FBXW11: variants seen among roughly 807,000 people sequenced by gnomAD.
The protein encoded by FBXW11 is F-box/WD repeat-containing protein 11.
Under a neutral mutation model 77.6 loss-of-function variants are expected in FBXW11, and 19 were observed. The ratio of observed to expected loss-of-function variants is 0.24; its 90% confidence interval spans 0.17 to 0.36. FBXW11 has a LOEUF of 0.36. Ranked by LOEUF, FBXW11 falls within the 10% of genes least tolerant of loss-of-function variation. The pLI, the probability that FBXW11 is intolerant of heterozygous loss-of-function variation, is 1.00. For synonymous variants in FBXW11, 235 were observed against 249.4 expected (o/e 0.94, Z 0.54); for missense variants, 334 against 704.2 (o/e 0.47, Z 5.95).
At chr5:171,997,748 T>G (rs902179746) in intron 1 of FBXW11, among the ~76,000 whole-genome samples, 2 of 152,212 alleles carry the variant, frequency 1.3e-5, no homozygotes, top group African/African-American at 4.8e-5. Flanking sequence ...TATATCAATA[T>G]TCTTTTTCTA....
At chr5:171,870,461 A>G (rs1757690325) in intron 11 of FBXW11, among the ~76,000 whole-genome samples, 1 of 152,194 alleles carries the variant, frequency 6.6e-6, no homozygotes, top group African/African-American at 2.4e-5. Context: ...CAATACCCCC[A>G]CATCAACTAT....
chr5:171,900,297 A>C (rs1057261340), intron 4 of FBXW11, among the ~76,000 whole-genome samples, 197 bp from the exon 5 acceptor site: 3 of 152,192 alleles, frequency 2.0e-5, no homozygotes, highest in African/African-American at 2.4e-5. Context: ...TTTTACGATA[A>C]AACAATTGAT....
chr5:171,874,358 A>G (rs1050435496), intron 9 of FBXW11, among the ~76,000 whole-genome samples: 1 of 152,226 alleles, frequency 6.6e-6, no homozygotes, highest in Non-Finnish European at 1.5e-5. Context: ...GAGACAAATA[A>G]TAGGAAGTGT....
chr5:171,951,814 C>T (rs993944693), intron 2 of FBXW11, among the ~76,000 whole-genome samples: 1 of 152,004 alleles, frequency 6.6e-6, no homozygotes, highest in Non-Finnish European at 1.5e-5. Flanking sequence ...TTTTTTAATG[C>T]TAGCATGAAA....
At chr5:171,899,145 A>AT in intron 5 of FBXW11, 51 bp from the exon 6 acceptor site, 1 of 1,184,112 alleles carries the variant, frequency 8.4e-7, no homozygotes. Context: ...AAAAGGGTGA[A>AT]TTTTATCTAA....
At chr5:171,926,531 G>A (rs1761901066) in intron 2 of FBXW11, among the ~76,000 whole-genome samples, 1 of 152,172 alleles carries the variant, frequency 6.6e-6, no homozygotes, top group Admixed American at 6.5e-5. Flanking sequence ...ATGAGTGAGT[G>A]AGTTCTCACG....
chr5:171,987,438 T>G (rs1488907308), intron 1 of FBXW11, among the ~76,000 whole-genome samples: 1 of 151,932 alleles, frequency 6.6e-6, no homozygotes, highest in African/African-American at 2.4e-5. Flanking sequence ...GGGTAAGTTT[T>G]TTTGGGTTTT....
chr5:171,892,066 T>G (rs1002929845), intron 6 of FBXW11, among the ~76,000 whole-genome samples: 2 of 152,216 alleles, frequency 1.3e-5, no homozygotes, highest in African/African-American at 4.8e-5. Context: ...ATAGGAAGAA[T>G]TTTATCATTT....
intron 2 of FBXW11, among the ~76,000 whole-genome samples, chr5:171,924,748 G>A (rs1761793704): frequency 2.6e-5 from 4 of 151,978 alleles, no homozygotes; most frequent in Admixed American, 2.0e-4. Flanking sequence ...TAACATAAGT[G>A]GGCTGAAACA....
intron 1 of FBXW11, among the ~76,000 whole-genome samples, chr5:171,977,349 AGAGG>A (rs1388847795): frequency 3.9e-5 from 6 of 151,988 alleles, no homozygotes; most frequent in Non-Finnish European, 8.8e-5. Context: ...GAAAAAAGAA[AGAGG>A]AAGAGAAAGA....
intron 12 of FBXW11, among the ~76,000 whole-genome samples, 158 bp from the exon 13 acceptor site, chr5:171,868,954 A>T (rs1364825541): frequency 1.3e-5 from 2 of 152,210 alleles, no homozygotes; most frequent in Non-Finnish European, 2.9e-5. Flanking sequence ...CCCAAGAACA[A>T]ATGTTCTTCT....
chr5:171,957,873 G>C (rs997343209), intron 1 of FBXW11, among the ~76,000 whole-genome samples, 175 bp from the exon 2 acceptor site: 1 of 152,212 alleles, frequency 6.6e-6, no homozygotes, highest in African/African-American at 2.4e-5. Context: ...CCCACTTGAT[G>C]TTCTATGGAA....
At chr5:171,942,042 A>T (rs73803803) in intron 2 of FBXW11, among the ~76,000 whole-genome samples, 65 of 151,530 alleles carry the variant, frequency 4.3e-4, no homozygotes, top group Admixed American at 2.0e-4. Context: ...TTATTTTGAG[A>T]TAGTCTCAAG....
rs139516676 is a variant in FBXW11, at chr5:171,946,083, T to A, written c.147+11514A>T. On this transcript the variant is annotated intron_variant, in intron 2 of 13. Transcript: ENST00000517395. ...CATAATGTAGGTAAGCCTCATCCAG[T>A]CAATTGAAGGCCTAAGAGAAAAGAC... Among the ~76,000 whole-genome samples the A allele has an allele frequency of 2.3e-3, 343 of 152,272 alleles. 2 individuals are homozygous for A. The highest frequency in any genetic ancestry group is 8.2e-3 in the African/African-American group (341 of 41,560).
intron 1 of FBXW11, among the ~76,000 whole-genome samples, chr5:171,995,089 T>A (rs1281548854): frequency 6.6e-6 from 1 of 152,166 alleles, no homozygotes; most frequent in Non-Finnish European, 1.5e-5. Flanking sequence ...AAAATTTTTT[T>A]AAGATGAAAG....
chr5:171,944,574 C>CAAAAAA (rs34106047), intron 2 of FBXW11, among the ~76,000 whole-genome samples: 6 of 80,504 alleles, frequency 7.5e-5, no homozygotes, highest in South Asian at 5.4e-4. Context: ...GACTCCATCT[C>CAAAAAA]AAAAAAAAAA....
chr5:171,912,416 C>A (rs753685877), intron 3 of FBXW11, among the ~76,000 whole-genome samples: 16 of 152,124 alleles, frequency 1.1e-4, no homozygotes, highest in Non-Finnish European at 2.2e-4. Context: ...GAGTTCAAAA[C>A]AGAGATGAAA....
chr5:171,903,986 GAAAC>G, intron 4 of FBXW11, among the ~76,000 whole-genome samples: 1 of 152,204 alleles, frequency 6.6e-6, no homozygotes, highest in East Asian at 1.9e-4. Context: ...TCTGAAAGGT[GAAAC>G]AAATGGCAAG....
intron 6 of FBXW11, among the ~76,000 whole-genome samples, chr5:171,892,052 C>T (rs773003322): frequency 6.6e-6 from 1 of 152,236 alleles, no homozygotes; most frequent in African/African-American, 2.4e-5. Context: ...TATAAGCCAA[C>T]TACATAGGAA....
Sources: gnomAD v4.1 joint callset for allele counts (sites outside exome capture counted in the v4.1 genomes callset) on GRCh38, gnomAD v4.1.1 for gene constraint, MANE v1.5 for transcripts, NCBI Gene and HGNC (gene_info 2026-07-23, HGNC 2026-07-21) for gene names.